KCNT2: variants seen among roughly 807,000 people sequenced by gnomAD.
KCNT2 encodes the protein potassium sodium-activated channel subfamily T member 2.
A neutral mutation model predicts 153.8 loss-of-function variants in KCNT2; 67 were observed. The ratio of observed to expected loss-of-function variants is 0.44; its 90% confidence interval spans 0.36 to 0.53. The LOEUF is 0.53. Ranked by LOEUF, KCNT2 falls within the 20% of genes least tolerant of loss-of-function variation. The pLI is 0.00. For missense variants in KCNT2, 975 were observed against 1,354.8 expected (o/e 0.72, Z 4.40); for synonymous variants, 500 against 458.8 (o/e 1.09, Z -1.15).
At chr1:196,486,734 T>C (rs1679449993) in intron 3 of KCNT2, among the ~76,000 whole-genome samples, 1 of 151,862 alleles carries the variant, frequency 6.6e-6, no homozygotes, top group Admixed American at 6.6e-5. Context: ...TAATATAAGC[T>C]TGTAATGTAT....
chr1:196,533,166 T>G (rs981249623), intron 1 of KCNT2, among the ~76,000 whole-genome samples: 1 of 152,108 alleles, frequency 6.6e-6, no homozygotes, highest in Admixed American at 6.6e-5. Flanking sequence ...TAGGTATTAC[T>G]TGCACCTACT....
chr1:196,325,920 A>G (rs1268656979), intron 19 of KCNT2, among the ~76,000 whole-genome samples: 1 of 152,120 alleles, frequency 6.6e-6, no homozygotes, highest in Non-Finnish European at 1.5e-5. Context: ...TAATTTTGAA[A>G]GGCAGAGACA....
intron 27 of KCNT2, among the ~76,000 whole-genome samples, chr1:196,231,110 ACT>A (rs1653910937): frequency 6.6e-6 from 1 of 151,688 alleles, no homozygotes; most frequent in South Asian, 2.1e-4. Flanking sequence ...TTGAGGCAAG[ACT>A]CTCTACCGGC....
intron 1 of KCNT2, among the ~76,000 whole-genome samples, chr1:196,527,363 G>T (rs919184009): frequency 3.3e-5 from 5 of 152,076 alleles, no homozygotes; most frequent in South Asian, 2.1e-4. Context: ...TAACACAAAG[G>T]TTGAAGCACA....
intron 1 of KCNT2, among the ~76,000 whole-genome samples, chr1:196,536,273 C>A (rs1335016103): frequency 2.0e-5 from 3 of 152,258 alleles, no homozygotes; most frequent in Admixed American, 6.5e-5. Flanking sequence ...CCTGGCCCCA[C>A]ATGGGCCGGT....
chr1:196,422,907 G>T (rs1292616045), intron 12 of KCNT2, 143 bp downstream of exon 12: 7 of 508,720 alleles, frequency 1.4e-5, no homozygotes, highest in Admixed American at 3.8e-5. Context: ...TTATGGAAAA[G>T]ATAGCTCAGT....
chr1:196,236,608 A>C (rs902891424), intron 26 of KCNT2, among the ~76,000 whole-genome samples: 2 of 151,662 alleles, frequency 1.3e-5, no homozygotes, highest in African/African-American at 4.8e-5. Context: ...GCTTTTGCAG[A>C]ATGCAAAGAA....
At chr1:196,509,502 T>G (rs1323308470) in intron 1 of KCNT2, among the ~76,000 whole-genome samples, 1 of 152,152 alleles carries the variant, frequency 6.6e-6, no homozygotes, top group Non-Finnish European at 1.5e-5. Flanking sequence ...ATCAGTTTTA[T>G]AAAGTTCAAA....
rs747039533 is a variant in KCNT2, at chr1:196,429,635, G to C, written c.761C>G (p.Ser254Cys). 1 of 1,612,948 alleles carries C rather than the reference G, an allele frequency of 6.2e-7. No homozygotes were observed. The highest frequency in any genetic ancestry group is 1.1e-5 in the South Asian group (1 of 91,018). The change falls in exon 9 of 28, where the codon TCC (serine) becomes TGC (cysteine). Residue 254 changes from serine (S) to cysteine (C), a missense_variant. Ser to Cys is a moderately radical substitution (Grantham distance 112, BLOSUM62 -1). Transcript: ENST00000294725. ...CATAGCAACTACAAAAAGCTTGGAG[G>C]ACCATGTTTCAGGAGTGACATCCCC... ...GFGDVTPETWSSKLFVVAMIC... is the reference protein window; with the variant it reads ...GFGDVTPETWCSKLFVVAMIC...
In KCNT2 at chr1:196,605,311, A is replaced by T. The variant is rs549188516; in HGVS notation, c.95+2904T>A. Among the ~76,000 whole-genome samples the T allele has an allele frequency of 7.9e-5, 12 of 152,366 alleles. No individual in the cohort carries two copies. In the South Asian group the frequency reaches 2.5e-3, roughly 32 times the overall value. The stretch of plus-strand genomic sequence containing the variant: ...AATACCAGTAGGGGAGAAGAGAGAC[A>T]GAAGCCAATAAAGCTTTCAGTATTA... On this transcript the variant is annotated intron_variant, in intron 1 of 27. Coordinates refer to ENST00000294725, the MANE Select transcript of KCNT2 (RefSeq NM_198503.5).
intron 17 of KCNT2, among the ~76,000 whole-genome samples, chr1:196,332,966 G>C (rs1664616956): frequency 6.6e-6 from 1 of 151,566 alleles, no homozygotes; most frequent in South Asian, 2.1e-4. Flanking sequence ...TATATTTTTA[G>C]TAAAGTTTGA....
Position 196,586,483 on chromosome 1 carries a change from G to A in KCNT2, c.95+21732C>T, listed in dbSNP as rs190668978. On this transcript the variant is annotated intron_variant, in intron 1 of 27. Coordinates refer to ENST00000294725, the MANE Select transcript of KCNT2 (RefSeq NM_198503.5). ...TTGACACTAGTCAATTGATAATCTA[G>A]ACATCTCCTGCTGCTAGAATAATAA... Among the ~76,000 whole-genome samples, 233 of 151,938 alleles carry A rather than the reference G, an allele frequency of 1.5e-3. 2 individuals are homozygous for A. The highest frequency in any genetic ancestry group is 5.4e-3 in the African/African-American group (225 of 41,442).
At chr1:196,280,765 T>G in intron 25 of KCNT2, 95 bp downstream of exon 25, 2 of 1,212,086 alleles carry the variant, frequency 1.7e-6, no homozygotes, top group South Asian at 2.6e-5. Context: ...TTTTTCACTT[T>G]CTCTTGCATT....
chr1:196,602,048 T>A (rs1200373450), intron 1 of KCNT2, among the ~76,000 whole-genome samples: 1 of 152,130 alleles, frequency 6.6e-6, no homozygotes, highest in Non-Finnish European at 1.5e-5. Context: ...AAATCCCATA[T>A]CCAATCAAGG....
chr1:196,291,208 C>A (rs527389726), intron 22 of KCNT2, among the ~76,000 whole-genome samples: 1 of 151,886 alleles, frequency 6.6e-6, no homozygotes, highest in African/African-American at 2.4e-5. Flanking sequence ...TCCTCCTCAT[C>A]CTTCAAAATA....
At chr1:196,239,449 C>A (rs1188774015) in intron 26 of KCNT2, among the ~76,000 whole-genome samples, 2 of 151,718 alleles carry the variant, frequency 1.3e-5, no homozygotes, top group South Asian at 4.1e-4. Context: ...CTAGCATATA[C>A]AATTATTAAA....
At chr1:196,590,507 G>C (rs1663215668) in intron 1 of KCNT2, among the ~76,000 whole-genome samples, 1 of 152,126 alleles carries the variant, frequency 6.6e-6, no homozygotes, top group African/African-American at 2.4e-5. Flanking sequence ...CTCCTCCAGA[G>C]CCTTGCTTTC....
chr1:196,279,158 G>A (rs1013239696), intron 25 of KCNT2, among the ~76,000 whole-genome samples: 28 of 152,108 alleles, frequency 1.8e-4, no homozygotes, highest in African/African-American at 5.1e-4. Flanking sequence ...GATCATGATC[G>A]TGCTTAATTA....
At chr1:196,369,180 T>C (rs1258468299) in intron 14 of KCNT2, among the ~76,000 whole-genome samples, 1 of 152,126 alleles carries the variant, frequency 6.6e-6, no homozygotes, top group East Asian at 1.9e-4. Flanking sequence ...ATTTTTAAAA[T>C]TCTGATAAAG....
Sources: allele counts gnomAD v4.1 joint callset (sites outside exome capture counted in the v4.1 genomes callset), GRCh38; gene constraint gnomAD v4.1.1; transcripts MANE v1.5; gene names NCBI Gene and HGNC (gene_info 2026-07-23, HGNC 2026-07-21).